The following DMD variants were observed in gnomAD, a reference collection of about 807,000 sequenced individuals.
DMD encodes dystrophin, also known as mutant dystrophin.
A neutral mutation model predicts 330.1 loss-of-function variants in DMD; 63 were observed. The observed-to-expected ratio is 0.19, with a 90% CI of 0.16 to 0.24. DMD has a LOEUF of 0.24. DMD is among the 10% of genes least tolerant of loss of function. The probability of loss-of-function intolerance (pLI) is 1.00; values close to 1 mark genes in which losing one functional copy is unlikely to be tolerated. For synonymous variants in DMD, 1,223 were observed against 959.8 expected (o/e 1.27, Z -5.07); for missense variants, 3,344 against 2,684.1 (o/e 1.25, Z -5.43).
chrX:31,611,971 G>A (rs754599193), intron 55 of DMD, among the ~76,000 whole-genome samples: 9 of 110,891 alleles, frequency 8.1e-5, no homozygotes, highest in Admixed American at 7.7e-4. Context: ...TCAGGATAAC[G>A]GGGTACCATT....
At chrX:33,123,548 C>G (rs2095438170) in intron 1 of DMD, among the ~76,000 whole-genome samples, 1 of 109,796 alleles carries the variant, frequency 9.1e-6, no homozygotes, top group South Asian at 4.0e-4. Context: ...TCCCGAGTAG[C>G]TGGGATTTCA....
intron 55 of DMD, among the ~76,000 whole-genome samples, chrX:31,604,224 T>C (rs2077502511): frequency 8.9e-6 from 1 of 112,424 alleles, no homozygotes; most frequent in South Asian, 3.6e-4. Context: ...TCAAATAATT[T>C]CTTAACATCA....
chrX:32,907,492 A>G (rs2086819671), intron 2 of DMD, among the ~76,000 whole-genome samples: 1 of 112,065 alleles, frequency 8.9e-6, no homozygotes, highest in Non-Finnish European at 1.9e-5. Flanking sequence ...TAAGAAATTC[A>G]AGCGGTTCAT....
chrX:33,236,364 T>C (rs1182311505), intron 1 of DMD, among the ~76,000 whole-genome samples: 1 of 107,573 alleles, frequency 9.3e-6, no homozygotes, highest in Non-Finnish European at 1.9e-5. Flanking sequence ...TTCCAGGTTC[T>C]AGTGATTCTC....
intron 1 of DMD, among the ~76,000 whole-genome samples, chrX:33,325,401 ACTT>A (rs199501816): frequency 0.013 from 1,413 of 112,030 alleles, 28 homozygotes; most frequent in African/African-American, 0.043. Context: ...TAATTTGTTC[ACTT>A]CTTTATTAAT....
rs113953060 is a variant in DMD, at chrX:32,162,060, G to A, written c.6438+54856C>T. 6.0e-3 allele frequency among the ~76,000 whole-genome samples: 675 copies of A among 111,700 alleles called. 9 individuals carry two copies. Among genetic ancestry groups the A allele is most frequent in the African/African-American group, 0.021 (640 of 30,754 alleles). On this transcript the variant is annotated intron_variant, in intron 44 of 78. Transcript: ENST00000357033. The stretch of plus-strand genomic sequence containing the variant: ...GAGAGCATTAGGACAAATACCTAAT[G>A]CATGTGGGGCTTAAAACCTAGATGA...
intron 7 of DMD, among the ~76,000 whole-genome samples, chrX:32,742,527 G>A (rs1403536898): frequency 1.8e-5 from 2 of 111,626 alleles, no homozygotes; most frequent in African/African-American, 6.5e-5. Context: ...AGTTTAAGCT[G>A]CTGGGCAAGG....
At chrX:32,438,203 C>A (rs182192291) in intron 29 of DMD, 38 bp downstream of exon 29, 24 of 1,193,124 alleles carry the variant, frequency 2.0e-5, no homozygotes, top group Non-Finnish European at 2.7e-5. Flanking sequence ...TACATTAATG[C>A]AAATTAGATT....
chrX:32,647,314 A>G (rs1227208223), intron 9 of DMD, among the ~76,000 whole-genome samples: 1 of 111,880 alleles, frequency 8.9e-6, no homozygotes, highest in Non-Finnish European at 1.9e-5. Flanking sequence ...TCAATGCCCT[A>G]GAAGCACAGA....
At chrX:32,349,234 G>A (rs2097773796) in intron 37 of DMD, among the ~76,000 whole-genome samples, 1 of 111,175 alleles carries the variant, frequency 9.0e-6, no homozygotes, top group Non-Finnish European at 1.9e-5. Flanking sequence ...CAAAACCCTT[G>A]AAAAGGAGTG....
intron 15 of DMD, 31 bp from the exon 16 acceptor site, chrX:32,565,912 C>T: frequency 1.7e-6 from 2 of 1,165,254 alleles, no homozygotes; most frequent in Non-Finnish European, 2.3e-6. Context: ...ACAGAATAAG[C>T]CTGGGTTGCA....
chrX:31,564,900 T>G (rs748393556), intron 55 of DMD, among the ~76,000 whole-genome samples: 50 of 112,280 alleles, frequency 4.5e-4, no homozygotes, highest in African/African-American at 1.5e-3. Flanking sequence ...ACAGAAGCTC[T>G]TAACTGAGTG....
At chrX:32,387,756 AAATT>A (rs2097969701) in intron 32 of DMD, among the ~76,000 whole-genome samples, 1 of 111,383 alleles carries the variant, frequency 9.0e-6, no homozygotes, top group South Asian at 3.7e-4. Context: ...GGAAACACTG[AAATT>A]AATTATTATG....
At chrX:33,337,356 C>A (rs1603431349) in intron 1 of DMD, among the ~76,000 whole-genome samples, 1 of 111,371 alleles carries the variant, frequency 9.0e-6, no homozygotes, top group African/African-American at 3.3e-5. Context: ...ACAGTATAGA[C>A]AGAGCTGAAT....
chrX:32,783,532 G>A (rs867230660), intron 7 of DMD, among the ~76,000 whole-genome samples: 21 of 109,196 alleles, frequency 1.9e-4, no homozygotes, highest in African/African-American at 6.6e-4. Context: ...TTATTACCTG[G>A]GTGACAAAGT....
At chrX:32,503,616 CAT>C (rs1569564941) in intron 18 of DMD, among the ~76,000 whole-genome samples, 3 of 111,325 alleles carry the variant, frequency 2.7e-5, no homozygotes, top group Non-Finnish European at 5.7e-5. Flanking sequence ...AGTGCAGTGG[CAT>C]GATCTCAGCT....
At chrX:33,176,596 A>G (rs2049674505) in intron 1 of DMD, among the ~76,000 whole-genome samples, 1 of 109,519 alleles carries the variant, frequency 9.1e-6, no homozygotes, top group African/African-American at 3.3e-5. Flanking sequence ...GCTCATGTGC[A>G]CACTCAAGCT....
chrX:32,947,629 T>A (rs748125940), intron 2 of DMD, among the ~76,000 whole-genome samples: 67 of 112,449 alleles, frequency 6.0e-4, no homozygotes, highest in African/African-American at 2.1e-3. Context: ...CATTGAAGAA[T>A]AAAAGCAATT....
intron 62 of DMD, among the ~76,000 whole-genome samples, chrX:31,292,883 C>T (rs62588871): frequency 0.011 from 1,217 of 110,696 alleles, 3 homozygotes; most frequent in Non-Finnish European, 0.017. Flanking sequence ...TTATAGAGTT[C>T]AAATAAACAG....
Sources: allele counts gnomAD v4.1 joint callset (sites outside exome capture counted in the v4.1 genomes callset), GRCh38; gene constraint gnomAD v4.1.1; transcripts MANE v1.5; gene names NCBI Gene and HGNC (gene_info 2026-07-23, HGNC 2026-07-21).